Variants in CFAP74 observed in about 807,000 individuals in gnomAD.
CFAP74 encodes the protein cilia and flagella associated protein 74, also known as cilia- and flagella-associated protein 74.
Under a neutral mutation model 188.9 loss-of-function variants are expected in CFAP74, and 124 were observed. The ratio of observed to expected loss-of-function variants is 0.66; its 90% CI spans 0.57 to 0.76. CFAP74 has a LOEUF of 0.76. Ranked by LOEUF, CFAP74 falls within the 30% of genes least tolerant of loss-of-function variation. CFAP74 has a pLI of 0.00. For synonymous variants in CFAP74, 956 were observed against 916.7 expected (o/e 1.04, Z -0.77); for missense variants, 2,198 against 2,165.2 (o/e 1.02, Z -0.30).
intron 6 of CFAP74, among the ~76,000 whole-genome samples, chr1:1,978,261 G>A (rs973651776): frequency 1.1e-4 from 16 of 152,220 alleles, no homozygotes; most frequent in African/African-American, 2.9e-4. Context: ...TCCGGACTGC[G>A]CGGGGGCCTG....
intron 5 of CFAP74, among the ~76,000 whole-genome samples, chr1:1,985,909 C>G (rs984800647): frequency 2.0e-5 from 3 of 152,270 alleles, no homozygotes; most frequent in Non-Finnish European, 4.4e-5. Context: ...CAGTGCCAGC[C>G]CAGCCACGTT....
chr1:1,986,551 C>T (rs760632245), intron 5 of CFAP74, among the ~76,000 whole-genome samples: 6 of 152,210 alleles, frequency 3.9e-5, no homozygotes, highest in East Asian at 1.9e-4. Context: ...TCCAGGCTCC[C>T]GGAGCAATGC....
intron 25 of CFAP74, among the ~76,000 whole-genome samples, chr1:1,937,366 G>T (rs1652971780): frequency 6.6e-6 from 1 of 152,196 alleles, no homozygotes; most frequent in African/African-American, 2.4e-5. Context: ...CGCACCTGTG[G>T]CAATTCCACA....
intron 10 of CFAP74, among the ~76,000 whole-genome samples, chr1:1,970,152 G>A (rs751243332): frequency 8.5e-5 from 13 of 152,354 alleles, no homozygotes; most frequent in Middle Eastern, 3.4e-3. Context: ...CAGAAGCAAC[G>A]TGTTCACCAC....
chr1:1,994,300 T>C (rs1228348129), intron 1 of CFAP74, among the ~76,000 whole-genome samples: 1 of 151,962 alleles, frequency 6.6e-6, no homozygotes, highest in Non-Finnish European at 1.5e-5. Flanking sequence ...TGTACATAAA[T>C]GTTGACATTA....
rs1651445875 is a variant in CFAP74 at position 1,922,327 on chromosome 1, T to C, written c.4880A>G (p.Tyr1627Cys). The change falls in exon 39 of 39, where the codon TAC becomes TGC. Residue 1627 changes from tyrosine to cysteine, a missense_variant. By Grantham distance (194) the Tyr-to-Cys change is radical (BLOSUM62 -2). Coordinates refer to ENST00000682832, the MANE Select transcript of CFAP74 (RefSeq NM_001304360.2). ...CACCTGGGCTACAAAGATGACCTTGTAGGTCTCCTTCACATCCCCCCTTAG... is the reference window on the plus strand; with the variant it reads ...CACCTGGGCTACAAAGATGACCTTGCAGGTCTCCTTCACATCCCCCCTTAG... ...LQLRGDVKET[Y>C]KVIFVAQVLT... The C allele has an allele frequency of 2.5e-6, 4 of 1,605,970 alleles. No individual in the cohort carries two copies. Among genetic ancestry groups the C allele is most frequent in the Non-Finnish European group, 3.4e-6 (4 of 1,177,834 alleles).
At chr1:1,971,030 C>T (rs578249007) in intron 9 of CFAP74, among the ~76,000 whole-genome samples, 1 of 148,052 alleles carries the variant, frequency 6.8e-6, no homozygotes, top group East Asian at 2.1e-4. Flanking sequence ...ATCACACATG[C>T]ACACCTGCAC....
intron 20 of CFAP74, among the ~76,000 whole-genome samples, chr1:1,946,011 T>C (rs1037559794): frequency 8.8e-5 from 13 of 147,430 alleles, no homozygotes; most frequent in Non-Finnish European, 1.3e-4. Flanking sequence ...TGTGCGGGAC[T>C]GCGTGTGTGC....
At chr1:1,972,318 T>A (rs1429470822) in intron 8 of CFAP74, among the ~76,000 whole-genome samples, 1 of 152,152 alleles carries the variant, frequency 6.6e-6, no homozygotes, top group African/African-American at 2.4e-5. Flanking sequence ...GTGCTATCAT[T>A]TCCACCAGGA....
chr1:1,956,592 C>T, intron 17 of CFAP74, 28 bp downstream of exon 17: 2 of 1,613,580 alleles, frequency 1.2e-6, no homozygotes, highest in Non-Finnish European at 1.7e-6. Context: ...GGTCCCCACA[C>T]TCCCCCATGG....
intron 13 of CFAP74, among the ~76,000 whole-genome samples, chr1:1,964,183 G>C (rs1558033244): frequency 6.6e-6 from 1 of 152,214 alleles, no homozygotes; most frequent in Non-Finnish European, 1.5e-5. Flanking sequence ...TGACTCCATG[G>C]ATGGACTTGA....
chr1:1,927,002 G>A lies in CFAP74; in HGVS notation c.3554C>T (p.Ala1185Val), dbSNP rs1200472199. The A allele has an allele frequency of 1.3e-6, 2 of 1,550,238 alleles. No individual in the cohort carries two copies. Among genetic ancestry groups the A allele is most frequent in the Middle Eastern group, 1.7e-4 (1 of 5,990 alleles). The change falls in exon 29 of 39, where the codon GCC (alanine) becomes GTC (valine). Residue 1185 changes from alanine to valine, a missense_variant. Ala to Val is a moderately conservative substitution (Grantham distance 64). Coordinates refer to ENST00000682832, the MANE Select transcript of CFAP74 (RefSeq NM_001304360.2). ...PSSDEYQAAR[A>V]TLLRAFQAKF... The stretch of plus-strand genomic sequence containing the variant: ...CGCCTGGAACGCTCTGAGCAGGGTG[G>A]CTCGGGCGGCCTGGTACTCGTCGGA...
chr1:1,985,591 G>C, intron 5 of CFAP74, 101 bp from the exon 6 acceptor site: 1 of 933,998 alleles, frequency 1.1e-6, no homozygotes. Flanking sequence ...CGCTCAGGAG[G>C]GAAATCTCGG....
chr1:1,972,220 A>AT (rs1656135373), intron 8 of CFAP74, 138 bp from the exon 9 acceptor site: 1 of 668,976 alleles, frequency 1.5e-6, no homozygotes, highest in Non-Finnish European at 2.7e-6. Context: ...CGCTGGGATC[A>AT]CAGGCATGCA....
chr1:1,975,728 G>A lies in CFAP74; in HGVS notation c.501-1530C>T, dbSNP rs763212772. ...GGCGGGTTATTTCTATTCCTCCCTC[G>A]CGTGACTCATGAAATTCTTTAATCT... On this transcript the variant is annotated intron_variant, in intron 6 of 38. Transcript: ENST00000682832. The surrounding 1 kb of genome is among the most constrained non-coding windows in gnomAD (Gnocchi z 4.5). Among the ~76,000 whole-genome samples the A allele has an allele frequency of 6.6e-5, 10 of 152,010 alleles. No individual in the cohort carries two copies. Among genetic ancestry groups the A allele is most frequent in the African/African-American group, 7.3e-5 (3 of 41,372 alleles).
intron 25 of CFAP74, among the ~76,000 whole-genome samples, chr1:1,931,618 T>TC (rs530561691): frequency 0.017 from 2,462 of 148,812 alleles, 66 homozygotes; most frequent in African/African-American, 0.058. Context: ...GCGCCTGTAG[T>TC]CCCAGCTATT....
At chr1:1,951,521 C>A (rs2490563) in intron 18 of CFAP74, among the ~76,000 whole-genome samples, 125,284 of 152,186 alleles carry the variant, frequency 0.82, 51,724 homozygotes, top group East Asian at 0.86. Context: ...TCTCTGTTCA[C>A]CACCACACTG....
intron 18 of CFAP74, chr1:1,953,288 T>C (rs1654313942): frequency 6.7e-6 from 1 of 148,702 alleles, no homozygotes; most frequent in South Asian, 2.1e-4. Flanking sequence ...ATATGGTCAA[T>C]TGACTTGCTT....
intron 10 of CFAP74, among the ~76,000 whole-genome samples, chr1:1,969,165 G>T (rs1293534548): frequency 3.4e-5 from 5 of 148,380 alleles, no homozygotes; most frequent in Admixed American, 6.7e-5. Flanking sequence ...GCCCAGTCCT[G>T]CTCAGTCCTG....
Sources: allele counts gnomAD v4.1 joint callset (sites outside exome capture counted in the v4.1 genomes callset), GRCh38; gene constraint gnomAD v4.1.1; non-coding constraint Gnocchi (gnomAD v3.1); transcripts MANE v1.5; gene names NCBI Gene and HGNC (gene_info 2026-07-23, HGNC 2026-07-21).